Variants in FILIP1L observed in about 807,000 individuals in gnomAD.
FILIP1L encodes the protein filamin A-interacting protein 1-like.
FILIP1L carries 55 observed loss-of-function variants against 96.6 expected under a neutral mutation model. The ratio of observed to expected loss-of-function variants is 0.57; its 90% CI spans 0.46 to 0.71. The LOEUF (loss-of-function observed/expected upper bound fraction) is 0.71, where lower values mean the gene tolerates loss of function less well. FILIP1L is among the 30% of genes least tolerant of loss of function. The probability of loss-of-function intolerance (pLI) is 0.00; values close to 1 mark genes in which losing one functional copy is unlikely to be tolerated. For missense variants in FILIP1L, 1,304 were observed against 1,321.2 expected (o/e 0.99, Z 0.20); for synonymous variants, 467 against 473.9 (o/e 0.99, Z 0.19).
At chr3:99,959,055 G>C (rs1035205410) in intron 1 of FILIP1L, among the ~76,000 whole-genome samples, 3 of 152,134 alleles carry the variant, frequency 2.0e-5, no homozygotes, top group African/African-American at 7.2e-5. Flanking sequence ...GGTTATAAAT[G>C]TAACAGAATT....
rs61630053 is a variant in FILIP1L, at chr3:100,021,960, TGAGAGAGAGAGAGA to T, written c.-10-90944_-10-90931del. Among the ~76,000 whole-genome samples, 370 of 93,296 alleles carry T rather than the reference TGAGAGAGAGAGAGA, an allele frequency of 4.0e-3. 4 individuals are homozygous for T. Among genetic ancestry groups the T allele is most frequent in the African/African-American group, 0.013 (331 of 24,842 alleles). 61.2% of individuals were successfully genotyped at this position (93,296 alleles called of 152,430 possible). A position where few individuals can be genotyped will look rare whatever the true frequency, so the allele number is the denominator to read the frequency against. On this transcript the variant is annotated intron_variant, in intron 1 of 5. Transcript: ENST00000477258. ...GTGTGTGTGTGTGTGTGTGTGTGTGTGAGAGAGAGAGAGAGAGAGAGAGAGAGAGAGAGATATGA... is the reference window on the plus strand; with the variant it reads ...GTGTGTGTGTGTGTGTGTGTGTGTGTGAGAGAGAGAGAGAGAGAGATATGA...
intron 4 of FILIP1L, chr3:99,876,242 G>T: frequency 1.0e-6 from 1 of 984,978 alleles, no homozygotes; most frequent in South Asian, 4.7e-5. Flanking sequence ...GGCGCTCCGC[G>T]TGTGCGGCGC....
At chr3:100,108,430 CT>C (rs1382264750) in intron 1 of FILIP1L, among the ~76,000 whole-genome samples, 1 of 152,106 alleles carries the variant, frequency 6.6e-6, no homozygotes, top group Non-Finnish European at 1.5e-5. Flanking sequence ...CATTTTATGG[CT>C]GAGGAAACAT....
chr3:99,887,170 A>G (rs1270713432), intron 4 of FILIP1L, among the ~76,000 whole-genome samples: 1 of 151,866 alleles, frequency 6.6e-6, no homozygotes, highest in Non-Finnish European at 1.5e-5. Context: ...TCGAGAGGCT[A>G]ACAGGAGAAT....
intron 4 of FILIP1L, among the ~76,000 whole-genome samples, chr3:99,909,395 T>C (rs1284173197): frequency 1.3e-5 from 2 of 152,100 alleles, no homozygotes; most frequent in African/African-American, 4.8e-5. Flanking sequence ...GTGGAAGCCT[T>C]GGGTCAGGTG....
chr3:100,034,564 T>C (rs978096580), intron 1 of FILIP1L, among the ~76,000 whole-genome samples: 9 of 152,212 alleles, frequency 5.9e-5, no homozygotes, highest in African/African-American at 1.9e-4. Flanking sequence ...TCAAATCCCA[T>C]CTGAATTGGC....
chr3:100,103,793 T>A (rs941806624), intron 1 of FILIP1L, among the ~76,000 whole-genome samples: 22 of 152,148 alleles, frequency 1.4e-4, no homozygotes, highest in African/African-American at 5.1e-4. Context: ...AATAACAAAT[T>A]GTTGCATTAA....
At chr3:99,838,767 T>C (rs1162793511) in intron 5 of FILIP1L, among the ~76,000 whole-genome samples, 1 of 152,226 alleles carries the variant, frequency 6.6e-6, no homozygotes, top group Non-Finnish European at 1.5e-5. Context: ...TTTAATCTAC[T>C]TATCCCTAAA....
intron 1 of FILIP1L, among the ~76,000 whole-genome samples, chr3:99,986,924 G>A (rs1709358247): frequency 6.6e-6 from 1 of 152,174 alleles, no homozygotes; most frequent in Non-Finnish European, 1.5e-5. Context: ...AACATATTAG[G>A]AGAGTATACA....
At chr3:100,044,717 A>G (rs1234570383) in intron 1 of FILIP1L, among the ~76,000 whole-genome samples, 3 of 152,222 alleles carry the variant, frequency 2.0e-5, no homozygotes, top group Non-Finnish European at 4.4e-5. Flanking sequence ...CTTGATTTGT[A>G]TTTAAATCAC....
chr3:99,880,753 A>G (rs1266783663), intron 4 of FILIP1L, among the ~76,000 whole-genome samples: 1 of 152,182 alleles, frequency 6.6e-6, no homozygotes, highest in Non-Finnish European at 1.5e-5. Flanking sequence ...AAAGTAAAAA[A>G]TTTTACATGT....
intron 1 of FILIP1L, among the ~76,000 whole-genome samples, chr3:99,973,042 CA>C (rs1708868397): frequency 6.6e-6 from 1 of 152,118 alleles, no homozygotes; most frequent in Middle Eastern, 3.4e-3. Flanking sequence ...TTTATCTGTT[CA>C]CAAAATTAGG....
At chr3:99,872,686 G>C (rs1944863120) in intron 4 of FILIP1L, among the ~76,000 whole-genome samples, 1 of 151,960 alleles carries the variant, frequency 6.6e-6, no homozygotes. Context: ...GGTCAGACTG[G>C]AAAAAGAATA....
chr3:100,076,365 C>A (rs1160436328), intron 1 of FILIP1L, among the ~76,000 whole-genome samples: 1 of 152,188 alleles, frequency 6.6e-6, no homozygotes, highest in African/African-American at 2.4e-5. Context: ...CACTTTTGGA[C>A]TTAATAACTG....
chr3:100,070,615 G>GGGGTTT (rs1240626414), intron 1 of FILIP1L, among the ~76,000 whole-genome samples: 15 of 152,032 alleles, frequency 9.9e-5, no homozygotes, highest in Admixed American at 9.8e-4. Flanking sequence ...ATATCATCGT[G>GGGGTTT]GGGTTTTTTT....
At chr3:100,053,068 T>G (rs2065400888) in intron 1 of FILIP1L, among the ~76,000 whole-genome samples, 1 of 152,130 alleles carries the variant, frequency 6.6e-6, no homozygotes, top group African/African-American at 2.4e-5. Context: ...GAAACAAGGG[T>G]GCTCCTTGTT....
At chr3:100,010,224 T>C (rs1710103605) in intron 1 of FILIP1L, 11 of 641,096 alleles carry the variant, frequency 1.7e-5, no homozygotes, top group Non-Finnish European at 2.1e-5. Flanking sequence ...ACTGTCATTT[T>C]TGTGATTTCT....
intron 5 of FILIP1L, among the ~76,000 whole-genome samples, chr3:99,840,711 T>C (rs1010636285): frequency 1.3e-5 from 2 of 152,196 alleles, no homozygotes; most frequent in African/African-American, 4.8e-5. Context: ...AATTCAGAAG[T>C]CATTGGAAGT....
intron 1 of FILIP1L, among the ~76,000 whole-genome samples, chr3:99,955,534 C>T (rs1708296594): frequency 6.6e-6 from 1 of 152,134 alleles, no homozygotes; most frequent in South Asian, 2.1e-4. Context: ...GAACAGTTCC[C>T]AGCAATGCTT....
Sources: gnomAD v4.1 joint callset for allele counts (sites outside exome capture counted in the v4.1 genomes callset) on GRCh38, gnomAD v4.1.1 for gene constraint, MANE v1.5 for transcripts, NCBI Gene and HGNC (gene_info 2026-07-23, HGNC 2026-07-21) for gene names.